Variants in ELMO1 observed in about 807,000 individuals in gnomAD.
ELMO1 encodes engulfment and cell motility 1.
A neutral mutation model predicts 98.9 loss-of-function variants in ELMO1; 26 were observed. That is an observed-to-expected ratio of 0.26 (90% CI 0.19 to 0.36). The LOEUF (loss-of-function observed/expected upper bound fraction) is 0.36. Among genes scored for constraint, ELMO1 ranks in the 10% least tolerant of loss-of-function variants. The pLI, the probability that ELMO1 is intolerant of heterozygous loss-of-function variation, is 1.00. For synonymous variants in ELMO1, 346 were observed against 346.0 expected, an observed-to-expected ratio of 1.00 and a Z score of 0.00; for missense variants, 627 against 935.2, an observed-to-expected ratio of 0.67 and a Z score of 4.30.
At position 36,897,870 on chromosome 7, in the gene ELMO1, T is replaced by C. The variant is rs559459521; in HGVS notation, c.1438-2853A>G. Among the ~76,000 whole-genome samples, 4 of 152,306 alleles carry C rather than the reference T, an allele frequency of 2.6e-5. No individual in the cohort carries two copies. The South Asian group carries it at 8.3e-4, about 32-fold the overall frequency. On this transcript the variant is annotated intron_variant, in intron 16 of 21. Coordinates refer to ENST00000310758, the MANE Select transcript of ELMO1 (RefSeq NM_014800.11). ...TTTGAAGAAAGTATAGAACTTTTCC[T>C]AAGACTAGGTTGATAGGCAGAAGGA...
chr7:37,213,485 T>TC, intron 11 of ELMO1, 28 bp from the exon 12 acceptor site: 1 of 1,586,752 alleles, frequency 6.3e-7, no homozygotes, highest in Non-Finnish European at 8.6e-7. Context: ...AAATGAAATT[T>TC]TTTAAAAAAG....
chr7:36,878,812 T>G (rs557173346), intron 18 of ELMO1, among the ~76,000 whole-genome samples: 2 of 152,328 alleles, frequency 1.3e-5, no homozygotes, highest in South Asian at 4.1e-4. Flanking sequence ...TTCCTCAACT[T>G]TACTGCCTCA....
chr7:36,949,929 C>G (rs1488236981), intron 16 of ELMO1, among the ~76,000 whole-genome samples: 1 of 152,202 alleles, frequency 6.6e-6, no homozygotes, highest in Non-Finnish European at 1.5e-5. Context: ...CAAAGCAAAT[C>G]CCCAAAGTCC....
At chr7:36,913,394 T>C (rs1784469906) in intron 16 of ELMO1, among the ~76,000 whole-genome samples, 1 of 152,156 alleles carries the variant, frequency 6.6e-6, no homozygotes, top group Non-Finnish European at 1.5e-5. Flanking sequence ...ACATAGAGCT[T>C]GTAAAAAGAG....
chr7:36,954,473 C>T (rs1264946326), intron 16 of ELMO1, among the ~76,000 whole-genome samples: 1 of 152,120 alleles, frequency 6.6e-6, no homozygotes, highest in African/African-American at 2.4e-5. Context: ...TGGGAGACTG[C>T]AGTGGGTTTG....
intron 16 of ELMO1, among the ~76,000 whole-genome samples, chr7:36,997,634 A>G (rs1457593772): frequency 6.6e-6 from 1 of 152,176 alleles, no homozygotes; most frequent in African/African-American, 2.4e-5. Context: ...AGCTTTGGAC[A>G]TCCCGAGTTT....
rs73690132 is a variant in ELMO1, at chr7:37,135,250, G to A, written c.1087-2016C>T. Among the ~76,000 whole-genome samples, 901 of 152,262 alleles carry A rather than the reference G, an allele frequency of 5.9e-3. 10 individuals carry two copies. Among genetic ancestry groups the A allele is most frequent in the African/African-American group, 0.021 (865 of 41,558 alleles). On this transcript the variant is annotated intron_variant, in intron 13 of 21. Transcript: ENST00000310758. ...GCACATCTGCCAGTTTTTCCAAGAT[G>A]GTGGATAGGAGGAAGGACTAGTTGC...
chr7:37,320,224 C>G (rs895764301), intron 2 of ELMO1, among the ~76,000 whole-genome samples: 2 of 151,782 alleles, frequency 1.3e-5, no homozygotes, highest in Non-Finnish European at 2.9e-5. Context: ...TTGCAGTGAG[C>G]TGAGATCAAG....
chr7:37,073,231 T>C (rs1043580692), intron 15 of ELMO1, among the ~76,000 whole-genome samples: 5 of 152,188 alleles, frequency 3.3e-5, no homozygotes, highest in Non-Finnish European at 7.4e-5. Context: ...TTAAAGAATA[T>C]GCCCTTGAAG....
chr7:36,953,392 C>G (rs1043283981), intron 16 of ELMO1, among the ~76,000 whole-genome samples: 1 of 152,170 alleles, frequency 6.6e-6, no homozygotes, highest in Non-Finnish European at 1.5e-5. Context: ...TTTTTACAAC[C>G]TGTCAGACAT....
intron 14 of ELMO1, among the ~76,000 whole-genome samples, chr7:37,125,599 A>G (rs1786450683): frequency 1.3e-5 from 2 of 152,252 alleles, no homozygotes; most frequent in Non-Finnish European, 2.9e-5. Context: ...ACAAAGAGAT[A>G]CCATCTCACA....
chr7:37,237,433 G>A (rs1794534114), intron 7 of ELMO1, among the ~76,000 whole-genome samples: 1 of 152,090 alleles, frequency 6.6e-6, no homozygotes, highest in Non-Finnish European at 1.5e-5. Flanking sequence ...GGGATTACAG[G>A]TGCACACCAC....
intron 16 of ELMO1, chr7:37,002,107 T>A (rs1057338341): frequency 2.0e-5 from 3 of 152,228 alleles, no homozygotes; most frequent in African/African-American, 7.2e-5. Context: ...TTTCAAGCTC[T>A]GTGGGCTGAC....
At chr7:37,373,053 G>A (rs1022404412) in intron 1 of ELMO1, among the ~76,000 whole-genome samples, 1 of 152,196 alleles carries the variant, frequency 6.6e-6, no homozygotes, top group African/African-American at 2.4e-5. Flanking sequence ...CATCACACAG[G>A]CAGGTAAATG....
intron 16 of ELMO1, among the ~76,000 whole-genome samples, chr7:36,951,349 T>C (rs753639342): frequency 6.6e-6 from 1 of 152,228 alleles, no homozygotes; most frequent in African/African-American, 2.4e-5. Context: ...CACCAACACT[T>C]GGCTCCGGCC....
chr7:36,860,163 G>A lies in ELMO1; in HGVS notation c.1983+1496C>T, dbSNP rs931497815. Among the ~76,000 whole-genome samples, 4 of 152,144 alleles carry A rather than the reference G, an allele frequency of 2.6e-5. No homozygotes were observed. The East Asian group carries it at 7.7e-4, about 29-fold the overall frequency. On this transcript the variant is annotated intron_variant, in intron 21 of 21. Transcript: ENST00000310758. ...TGTGAATCAACTGCTTATGCTATGG[G>A]GAAGGCTTCTTTCTGGTCAACAGTA...
intron 20 of ELMO1, among the ~76,000 whole-genome samples, chr7:36,867,467 GC>G (rs1206669655): frequency 6.6e-6 from 1 of 151,944 alleles, no homozygotes; most frequent in East Asian, 1.9e-4. Context: ...CAAAGTACCA[GC>G]TTTTGGTTTT....
chr7:36,950,258 G>A (rs1315272712), intron 16 of ELMO1, among the ~76,000 whole-genome samples: 1 of 152,224 alleles, frequency 6.6e-6, no homozygotes, highest in Non-Finnish European at 1.5e-5. Flanking sequence ...GAGAGACAGA[G>A]GGAATGTTTC....
At chr7:37,209,842 G>T (rs945172919) in intron 13 of ELMO1, among the ~76,000 whole-genome samples, 12 of 152,172 alleles carry the variant, frequency 7.9e-5, no homozygotes, top group South Asian at 2.1e-4. Flanking sequence ...GACATTTTTT[G>T]CTAAAATTTT....
Sources: gnomAD v4.1 joint callset for allele counts (sites outside exome capture counted in the v4.1 genomes callset) on GRCh38, gnomAD v4.1.1 for gene constraint, MANE v1.5 for transcripts, NCBI Gene and HGNC (gene_info 2026-07-23, HGNC 2026-07-21) for gene names.